TCAIM: variants seen among roughly 807,000 people sequenced by gnomAD.
The protein encoded by TCAIM is T-cell activation inhibitor, mitochondrial.
TCAIM carries 36 observed loss-of-function variants against 58.6 expected under a neutral mutation model. That is an observed-to-expected ratio of 0.61 (90% CI 0.47 to 0.81). The LOEUF is 0.81. Among genes scored for constraint, TCAIM ranks in the 30% least tolerant of loss-of-function variants. The probability of loss-of-function intolerance (pLI) is 0.00; values close to 1 mark genes in which losing one functional copy is unlikely to be tolerated. For synonymous variants in TCAIM, 172 were observed against 193.6 expected (o/e 0.89, Z 0.93); for missense variants, 466 against 579.6 (o/e 0.80, Z 2.01).
rs1221943136 is a variant in TCAIM, at chr3:44,409,043, A to AT, written c.*1367dup. ...TTGCTACTGAATGAATCAGAAAGGA[A>AT]TTTTTTCTGAAGAGCATTAGAAAGT... On this transcript the variant is annotated 3_prime_UTR_variant, in exon 11 of 11. Transcript: ENST00000342649. 1 of 149,516 alleles carries AT rather than the reference A, an allele frequency of 6.7e-6. No individual in the cohort carries two copies. The highest frequency in any genetic ancestry group is 1.5e-5 in the Non-Finnish European group (1 of 68,036). 9.3% of individuals were successfully genotyped at this position (149,516 alleles called of 1,614,324 possible).
intron 1 of TCAIM, among the ~76,000 whole-genome samples, chr3:44,344,182 T>C (rs950112709): frequency 3.3e-5 from 5 of 152,136 alleles, no homozygotes; most frequent in Admixed American, 6.5e-5. Flanking sequence ...CAGCTAATTT[T>C]TGTATTTTTA....
Position 44,354,796 on chromosome 3 carries a change from T to C in TCAIM, c.14T>C (p.Leu5Pro), listed in dbSNP as rs1357581483. MFCH[L>P]RPMRRLCLEK... ...ATATATTCAGAAATGTTTTGCCACC[T>C]GAGACCTATGAGGAGGTAAGCATCA... The change falls in exon 2 of 11, where the codon CTG becomes CCG. Residue 5 changes from leucine (L) to proline (P), a missense_variant. By Grantham distance (98) the Leu-to-Pro change is moderately conservative. Transcript: ENST00000342649. The C allele has an allele frequency of 5.0e-6, 8 of 1,611,574 alleles. No individual in the cohort carries two copies. In the Admixed American group the frequency reaches 1.4e-4, roughly 27 times the overall value.
intron 1 of TCAIM, among the ~76,000 whole-genome samples, chr3:44,345,521 TAC>T (rs1391117951): frequency 6.6e-6 from 1 of 152,162 alleles, no homozygotes; most frequent in Non-Finnish European, 1.5e-5. Flanking sequence ...TCGTTTAATA[TAC>T]AGAGTCCCCT....
chr3:44,358,181 A>G (rs1701233808), intron 3 of TCAIM: 8 of 1,557,054 alleles, frequency 5.1e-6, no homozygotes, highest in Non-Finnish European at 6.0e-6. Context: ...GACCTTTATT[A>G]TCATGATCAA....
chr3:44,396,963 C>T (rs184176478), intron 8 of TCAIM, 129 bp downstream of exon 8: 9 of 796,004 alleles, frequency 1.1e-5, no homozygotes, highest in South Asian at 8.0e-5. Context: ...TGTTTTTAAT[C>T]GCAGTATCAG....
chr3:44,392,517 C>G (rs1701854719), intron 5 of TCAIM, among the ~76,000 whole-genome samples: 1 of 152,186 alleles, frequency 6.6e-6, no homozygotes, highest in African/African-American at 2.4e-5. Flanking sequence ...TGTTGCTCCC[C>G]TCTTTGTGTC....
chr3:44,356,205 G>T (rs930208275), intron 2 of TCAIM, among the ~76,000 whole-genome samples: 1 of 152,168 alleles, frequency 6.6e-6, no homozygotes. Context: ...ACAAAAGCAT[G>T]TGCAATGTTT....
chr3:44,359,426 A>C (rs1164888807), intron 3 of TCAIM: 1 of 152,148 alleles, frequency 6.6e-6, no homozygotes, highest in Non-Finnish European at 1.5e-5. Context: ...TTATGCTAAC[A>C]ATGTGATTTA....
chr3:44,395,186 A>C (rs1239309351), intron 6 of TCAIM, among the ~76,000 whole-genome samples: 1 of 151,680 alleles, frequency 6.6e-6, no homozygotes, highest in African/African-American at 2.4e-5. Context: ...TTGTCACTTA[A>C]ATTTTTTAAT....
At chr3:44,350,948 T>C (rs1701075034) in intron 1 of TCAIM, among the ~76,000 whole-genome samples, 1 of 152,254 alleles carries the variant, frequency 6.6e-6, no homozygotes, top group Non-Finnish European at 1.5e-5. Flanking sequence ...GGTGAGAATT[T>C]AGTCCCTCAC....
chr3:44,365,328 C>T (rs1701356638), intron 4 of TCAIM, among the ~76,000 whole-genome samples: 1 of 151,760 alleles, frequency 6.6e-6, no homozygotes, highest in South Asian at 2.1e-4. Flanking sequence ...TCATCAGTTG[C>T]AAATACTTTT....
chr3:44,407,579 A>G lies in TCAIM; in HGVS notation c.1388A>G (p.Tyr463Cys), dbSNP rs145515796. The change falls in exon 11 of 11, where the codon TAC (tyrosine) becomes TGC (cysteine). Residue 463 changes from tyrosine (Y) to cysteine (C), a missense_variant. Coordinates refer to ENST00000342649, the MANE Select transcript of TCAIM (RefSeq NM_173826.4). The stretch of plus-strand genomic sequence containing the variant: ...AGACTTCTAGAACAATCACTGCCTT[A>G]CCTACATGGGATGCACCTCTGCATT... ...CKRLLEQSLPYLHGMHLCISH... is the reference protein window; with the variant it reads ...CKRLLEQSLPCLHGMHLCISH... 1.9e-6 allele frequency: 3 copies of G among 1,614,042 alleles called. No individual in the cohort carries two copies. The highest frequency in any genetic ancestry group is 1.7e-6 in the Non-Finnish European group (2 of 1,179,956).
chr3:44,355,030 T>G (rs951248898), intron 2 of TCAIM, among the ~76,000 whole-genome samples: 1 of 152,196 alleles, frequency 6.6e-6, no homozygotes, highest in Non-Finnish European at 1.5e-5. Context: ...AAGAGTTAGG[T>G]GTGAAAAGCT....
At position 44,408,772 on chromosome 3, in the gene TCAIM, A is replaced by G. The variant is rs1029140599; in HGVS notation, c.*1090A>G. 2.6e-5 allele frequency: 4 copies of G among 152,186 alleles called. No individual in the cohort carries two copies. The highest frequency in any genetic ancestry group is 5.9e-5 in the Non-Finnish European group (4 of 68,036). The allele number at this position is 152,186 out of a possible 1,614,324, so 9.4% of individuals were successfully genotyped here. On this transcript the variant is annotated 3_prime_UTR_variant, in exon 11 of 11. Coordinates refer to ENST00000342649, the MANE Select transcript of TCAIM (RefSeq NM_173826.4). ...TATTACTGATGTTTGAAACCCTGTC[A>G]TTAGCCCCGGCCTGGTTAAAGCCCC... is the stretch of plus-strand genomic sequence containing the variant.
chr3:44,378,459 C>G (rs11707182), intron 5 of TCAIM, among the ~76,000 whole-genome samples: 74,631 of 151,708 alleles, frequency 0.49, 19,512 homozygotes, highest in East Asian at 0.81. Flanking sequence ...TGAACAGACA[C>G]TTTTCAAAAG....
chr3:44,353,658 T>G (rs955736480), intron 1 of TCAIM, among the ~76,000 whole-genome samples: 1 of 152,216 alleles, frequency 6.6e-6, no homozygotes, highest in Non-Finnish European at 1.5e-5. Flanking sequence ...TTATTTTAAT[T>G]TGCAGTTGTC....
intron 5 of TCAIM, among the ~76,000 whole-genome samples, chr3:44,375,789 C>T (rs1047362659): frequency 6.6e-6 from 1 of 152,138 alleles, no homozygotes; most frequent in Admixed American, 6.5e-5. Flanking sequence ...GGCAATACTA[C>T]AAAATATTAA....
intron 1 of TCAIM, among the ~76,000 whole-genome samples, chr3:44,352,118 T>A (rs1452629670): frequency 6.7e-6 from 1 of 149,650 alleles, no homozygotes; most frequent in Non-Finnish European, 1.5e-5. Flanking sequence ...ATATAAAACA[T>A]TTTGGTACTT....
intron 4 of TCAIM, among the ~76,000 whole-genome samples, chr3:44,366,462 TG>T (rs531385823): frequency 2.7e-4 from 35 of 131,470 alleles, no homozygotes; most frequent in East Asian, 5.2e-4. Flanking sequence ...TAATTTTTGT[TG>T]TTTTTTTTTT....
Sources: gnomAD v4.1 joint callset for allele counts (sites outside exome capture counted in the v4.1 genomes callset) on GRCh38, gnomAD v4.1.1 for gene constraint, MANE v1.5 for transcripts, NCBI Gene and HGNC (gene_info 2026-07-23, HGNC 2026-07-21) for gene names.